DPPA2: variants seen among roughly 807,000 people sequenced by gnomAD.
DPPA2 encodes developmental pluripotency-associated protein 2.
DPPA2 carries 26 observed loss-of-function variants against 36.2 expected under a neutral mutation model. The observed-to-expected ratio is 0.72, with a 90% CI of 0.53 to 1.00. The LOEUF (loss-of-function observed/expected upper bound fraction) is 1.00, where lower values mean the gene tolerates loss of function less well. Among genes scored for constraint, DPPA2 ranks in the 50% least tolerant of loss-of-function variants. The pLI is 0.00. For missense variants in DPPA2, 361 were observed against 365.1 expected (o/e 0.99, Z 0.09); for synonymous variants, 113 against 123.2 (o/e 0.92, Z 0.55).
chr3:109,310,776 T>C (rs1458665450), intron 3 of DPPA2, among the ~76,000 whole-genome samples: 2 of 151,672 alleles, frequency 1.3e-5, no homozygotes, highest in African/African-American at 2.4e-5. Flanking sequence ...AGTGCTGGGA[T>C]TACAGGCATG....
At chr3:109,310,964 G>A (rs1449363844) in intron 3 of DPPA2, among the ~76,000 whole-genome samples, 3 of 151,924 alleles carry the variant, frequency 2.0e-5, no homozygotes, top group African/African-American at 7.2e-5. Flanking sequence ...ACCATGCCTG[G>A]ATAATGTTTG....
Position 109,314,511 on chromosome 3 carries a change from T to G in DPPA2, c.32A>C (p.Lys11Thr). Residue 11 changes from lysine (K) to threonine (T), a missense_variant and splice_region_variant, in exon 2 of 9, where the codon AAG becomes ACG. By Grantham distance (78) the Lys-to-Thr change is moderately conservative. Coordinates refer to ENST00000478945, the MANE Select transcript of DPPA2 (RefSeq NM_138815.4). ...TAATTCTATTAGAATGAAACTTACC[T>G]TCTTGCTGCTATCCAAATTTGCATC... Reference protein sequence around the residue: MSDANLDSSKKNFLEGEVDDE... With the variant: MSDANLDSSKTNFLEGEVDDE... The G allele has an allele frequency of 6.2e-7, 1 of 1,610,548 alleles. No homozygotes were observed. The highest frequency in any genetic ancestry group is 8.5e-7 in the Non-Finnish European group (1 of 1,177,548).
intron 3 of DPPA2, among the ~76,000 whole-genome samples, chr3:109,311,846 C>A (rs1707715527): frequency 6.6e-6 from 1 of 152,134 alleles, no homozygotes; most frequent in South Asian, 2.1e-4. Flanking sequence ...TTAAGAGCTG[C>A]TATTCGTAAT....
At chr3:109,306,499 G>C (rs1707568508) in intron 6 of DPPA2, among the ~76,000 whole-genome samples, 1 of 152,046 alleles carries the variant, frequency 6.6e-6, no homozygotes, top group African/African-American at 2.4e-5. Context: ...ATACTAGTTA[G>C]CTGGAATAAA....
chr3:109,312,534 T>C lies in DPPA2; in HGVS notation c.181+11A>G. On this transcript the variant is annotated intron_variant, in intron 3 of 8. Transcript: ENST00000478945. Reference sequence around the variant, plus strand: ...TAGGAGTAACTAACTGAGCAATCCCTGTCCTCATACCTGGATTGTATTTCT... The same window carrying C: ...TAGGAGTAACTAACTGAGCAATCCCCGTCCTCATACCTGGATTGTATTTCT... 1 of 1,609,774 alleles carries C rather than the reference T, an allele frequency of 6.2e-7. No homozygotes were observed. The highest frequency in any genetic ancestry group is 8.5e-7 in the Non-Finnish European group (1 of 1,177,206).
chr3:109,314,072 G>A (rs115247961), intron 2 of DPPA2, among the ~76,000 whole-genome samples: 3 of 151,678 alleles, frequency 2.0e-5, no homozygotes, highest in Non-Finnish European at 4.4e-5. Flanking sequence ...GTAACCAATT[G>A]GTCACTTTAC....
intron 7 of DPPA2, among the ~76,000 whole-genome samples, chr3:109,300,679 G>A (rs750797945): frequency 2.4e-4 from 36 of 151,952 alleles, no homozygotes; most frequent in Non-Finnish European, 3.4e-4. Flanking sequence ...AAAATTAGCC[G>A]GTCATGGTGG....
intron 6 of DPPA2, among the ~76,000 whole-genome samples, chr3:109,307,603 C>CAAAAA (rs769445059): frequency 3.0e-3 from 128 of 42,998 alleles, no homozygotes; most frequent in Non-Finnish European, 3.9e-3. Context: ...AACTCCATCT[C>CAAAAA]AAAAAAAAAA....
Position 109,308,052 on chromosome 3 carries a change from G to T in DPPA2, c.638C>A (p.Ala213Asp), listed in dbSNP as rs1433691036. The change falls in exon 6 of 9, where the codon GCC becomes GAC. Residue 213 changes from alanine to aspartate, a missense_variant. Coordinates refer to ENST00000478945, the MANE Select transcript of DPPA2 (RefSeq NM_138815.4). The part of the protein sequence containing the change: ...NSCSIPVSVE[A>D]FLMQASGVRW... Reference sequence around the variant, plus strand: ...CTTACCAGAGGCTTGCATCAAAAAGGCCTCAACAGAAACAGGAATGGAACA... The same window carrying T: ...CTTACCAGAGGCTTGCATCAAAAAGTCCTCAACAGAAACAGGAATGGAACA... 1.9e-6 allele frequency: 3 copies of T among 1,614,160 alleles called. No homozygotes were observed. The South Asian group carries it at 3.3e-5, about 18-fold the overall frequency.
At chr3:109,301,691 AGAAG>A (rs1463538348) in intron 7 of DPPA2, among the ~76,000 whole-genome samples, 2 of 117,968 alleles carry the variant, frequency 1.7e-5, no homozygotes, top group African/African-American at 6.0e-5. Flanking sequence ...AGAGAAAGAA[AGAAG>A]AAAAATGGGA....
chr3:109,314,592 T>C, intron 1 of DPPA2, 37 bp from the exon 2 acceptor site: 1 of 1,573,742 alleles, frequency 6.4e-7, no homozygotes, highest in Non-Finnish European at 8.7e-7. Context: ...AAGGATATGG[T>C]AGTTTACTTC....
rs112950279 is a variant in DPPA2 at position 109,299,618 on chromosome 3, A to G, written c.*22+753T>C. Among the ~76,000 whole-genome samples, 535 of 149,970 alleles carry G rather than the reference A, an allele frequency of 3.6e-3. 3 individuals are homozygous for G. The highest frequency in any genetic ancestry group is 0.011 in the African/African-American group (437 of 40,814). ...GGCGAATTGCTTGAACCTGGGAGGC[A>G]GGGGTTGCAGTGAGCTGAGATCTCA... is the stretch of plus-strand genomic sequence containing the variant. On this transcript the variant is annotated intron_variant, in intron 8 of 8. Transcript: ENST00000478945.
At chr3:109,314,420 G>C (rs1188595431) in intron 2 of DPPA2, 90 bp downstream of exon 2, 1 of 1,330,296 alleles carries the variant, frequency 7.5e-7, no homozygotes, top group Non-Finnish European at 1.0e-6. Context: ...CAGGAATGAA[G>C]ATTTGTGGTA....
Position 109,293,874 on chromosome 3 carries a change from A to T in DPPA2, c.*153T>A, listed in dbSNP as rs1707305737. ...TTAGATGGGGCTGTGTCACTAGTCA[A>T]CCATCTTCACTGTGGAGTCCTAGTC... is the stretch of plus-strand genomic sequence containing the variant. On this transcript the variant is annotated 3_prime_UTR_variant, in exon 9 of 9. Transcript: ENST00000478945. 2 of 151,956 alleles carry T rather than the reference A, an allele frequency of 1.3e-5. No individual in the cohort carries two copies. Among genetic ancestry groups the T allele is most frequent in the Non-Finnish European group, 2.9e-5 (2 of 68,042 alleles). The allele number at this position is 151,956 out of a possible 1,614,324, so 9.4% of individuals were successfully genotyped here. A position where few individuals can be genotyped will look rare whatever the true frequency, so the allele number is the denominator to read the frequency against.
chr3:109,308,899 T>C, intron 5 of DPPA2, 127 bp downstream of exon 5: 1 of 1,167,880 alleles, frequency 8.6e-7, no homozygotes, highest in Non-Finnish European at 1.2e-6. Flanking sequence ...TGTTCCGAAA[T>C]ATCAATAATG....
At chr3:109,312,184 A>C (rs1216212169) in intron 3 of DPPA2, among the ~76,000 whole-genome samples, 1 of 152,132 alleles carries the variant, frequency 6.6e-6, no homozygotes, top group Non-Finnish European at 1.5e-5. Context: ...AAATACAAAA[A>C]TTAGCCAGGC....
At position 109,309,096 on chromosome 3, in the gene DPPA2, A is replaced by G. The variant is rs748603724; in HGVS notation, c.343-17T>C. The G allele has an allele frequency of 1.9e-6, 3 of 1,614,146 alleles. No individual in the cohort carries two copies. In the Admixed American group the frequency reaches 5.0e-5, roughly 27 times the overall value. ...TTCGATTTTCTTAGGAAATGAAGAG[A>G]GAGATTAAGTTAAAAGTTGACAAAG... On this transcript the variant is annotated splice_polypyrimidine_tract_variant and intron_variant, in intron 4 of 8. Transcript: ENST00000478945.
chr3:109,305,167 A>T (rs894163007), intron 6 of DPPA2, among the ~76,000 whole-genome samples: 5 of 151,970 alleles, frequency 3.3e-5, no homozygotes, highest in Non-Finnish European at 7.4e-5. Context: ...AATACTAATA[A>T]TAATAAAATA....
chr3:109,298,467 C>A (rs576674938), intron 8 of DPPA2, among the ~76,000 whole-genome samples: 4 of 151,980 alleles, frequency 2.6e-5, no homozygotes, highest in African/African-American at 7.2e-5. Flanking sequence ...GTAATCCCAG[C>A]CCTTTGGGAG....
Sources: gnomAD v4.1 joint callset for allele counts (sites outside exome capture counted in the v4.1 genomes callset) on GRCh38, gnomAD v4.1.1 for gene constraint, MANE v1.5 for transcripts, NCBI Gene and HGNC (gene_info 2026-07-23, HGNC 2026-07-21) for gene names.